The following RERE variants were observed in gnomAD, a reference collection of about 807,000 sequenced individuals.
The protein encoded by RERE is arginine-glutamic acid dipeptide repeats protein.
Under a neutral mutation model 146.1 loss-of-function variants are expected in RERE, and 40 were observed. The observed-to-expected ratio is 0.27, with a 90% CI of 0.21 to 0.36. RERE has a LOEUF of 0.36. RERE is among the 10% of genes least tolerant of loss of function. The probability of loss-of-function intolerance (pLI) is 1.00; values close to 1 mark genes in which losing one functional copy is unlikely to be tolerated. For missense variants in RERE, 1,933 were observed against 2,138.7 expected, an observed-to-expected ratio of 0.90 and a Z score of 1.90; for synonymous variants, 1,003 against 866.0, an observed-to-expected ratio of 1.16 and a Z score of -2.78.
At chr1:8,764,750 AAGAC>A (rs1640817053) in intron 1 of RERE, among the ~76,000 whole-genome samples, 1 of 152,236 alleles carries the variant, frequency 6.6e-6, no homozygotes, top group African/African-American at 2.4e-5. Flanking sequence ...CAGTAAGCAC[AAGAC>A]AGAGGCTCAA....
chr1:8,361,231 G>A lies in RERE; in HGVS notation c.2276C>T (p.Pro759Leu), dbSNP rs765180603. ...CGTGGGCCCTGGCGTGGGCAGCTGA[G>A]GGGTCCCTGGAGGAGCTGAGGAGGG... ...PAPSSAPPGTPQLPTPGPTPS... is the reference protein window; with the variant it reads ...PAPSSAPPGTLQLPTPGPTPS... Residue 759 changes from proline (P) to leucine (L), a missense_variant, in exon 18 of 23, where the codon CCT (proline) becomes CTT (leucine). By Grantham distance (98) the Pro-to-Leu change is moderately conservative. Around this residue, in one of 11 missense-constraint regions of RERE, gnomAD observed 1,255 missense variants for 1,153.8 expected, o/e 1.09. Transcript: ENST00000400908. 38 of 1,543,774 alleles carry A rather than the reference G, an allele frequency of 2.5e-5. No homozygotes were observed. The African/African-American group carries it at 4.2e-4, about 17-fold the overall frequency.
intron 12 of RERE, among the ~76,000 whole-genome samples, chr1:8,396,650 TA>T (rs1643066569): frequency 2.0e-5 from 3 of 152,312 alleles, no homozygotes; most frequent in South Asian, 2.1e-4. Context: ...CGAATTAACT[TA>T]AAAAAATTGT....
intron 21 of RERE, 103 bp from the exon 22 acceptor site, chr1:8,355,702 C>T (rs1641263638): frequency 9.8e-7 from 1 of 1,015,416 alleles, no homozygotes; most frequent in Non-Finnish European, 1.4e-6. Flanking sequence ...GGAGAGGTGC[C>T]AGTTCGGACA....
At chr1:8,716,119 T>C (rs1183747566) in intron 1 of RERE, among the ~76,000 whole-genome samples, 1 of 150,634 alleles carries the variant, frequency 6.6e-6, no homozygotes, top group African/African-American at 2.4e-5. Context: ...CACTCCTTCC[T>C]GGGCAACAAA....
At chr1:8,607,531 T>TATATA (rs1215150807) in intron 4 of RERE, among the ~76,000 whole-genome samples, 2 of 119,674 alleles carry the variant, frequency 1.7e-5, no homozygotes, top group East Asian at 2.4e-4. Flanking sequence ...TTTATATATA[T>TATATA]TTCTTTTTTT....
intron 4 of RERE, among the ~76,000 whole-genome samples, chr1:8,588,408 C>A (rs1218600471): frequency 2.6e-5 from 4 of 152,166 alleles, no homozygotes; most frequent in Non-Finnish European, 5.9e-5. Context: ...CCAAGGCCTA[C>A]CCTTCCCAAA....
intron 1 of RERE, among the ~76,000 whole-genome samples, chr1:8,789,403 C>G (rs1641323718): frequency 6.7e-6 from 1 of 149,240 alleles, no homozygotes; most frequent in Non-Finnish European, 1.5e-5. Context: ...TGGCTACTAC[C>G]TCTCTTTCCT....
intron 4 of RERE, among the ~76,000 whole-genome samples, chr1:8,561,657 A>G (rs1302585974): frequency 6.6e-6 from 1 of 152,228 alleles, no homozygotes; most frequent in Non-Finnish European, 1.5e-5. Flanking sequence ...GTATCTGTGC[A>G]ATGGCACTGG....
chr1:8,411,738 A>G (rs1643621059), intron 12 of RERE, among the ~76,000 whole-genome samples: 1 of 152,202 alleles, frequency 6.6e-6, no homozygotes, highest in Non-Finnish European at 1.5e-5. Flanking sequence ...ACATATACTA[A>G]AAGGTTTTGG....
intron 12 of RERE, among the ~76,000 whole-genome samples, chr1:8,372,873 G>A (rs1218815930): frequency 2.0e-5 from 3 of 152,152 alleles, no homozygotes; most frequent in South Asian, 2.1e-4. Context: ...TTTCACAAAC[G>A]AAGTTTCCAA....
intron 6 of RERE, among the ~76,000 whole-genome samples, chr1:8,555,025 T>C (rs543773668): frequency 6.6e-6 from 1 of 152,322 alleles, no homozygotes; most frequent in South Asian, 2.1e-4. Context: ...CTTGTGGAAG[T>C]TCACAAGAAG....
intron 3 of RERE, among the ~76,000 whole-genome samples, chr1:8,623,308 G>A (rs772919047): frequency 1.8e-4 from 27 of 152,126 alleles, no homozygotes; most frequent in Non-Finnish European, 2.2e-4. Context: ...AAAATCAGCC[G>A]GTTGTACTGG....
chr1:8,454,004 A>G lies in RERE; in HGVS notation c.1203+11921T>C, dbSNP rs76734567. ...TGACACCTCCACAGATTTTAATATT[A>G]AACAGTGGCTCCCAGAGAAGACTCC... On this transcript the variant is annotated intron_variant, in intron 11 of 22. Coordinates refer to ENST00000400908, the MANE Select transcript of RERE (RefSeq NM_001042681.2). 5.3e-4 allele frequency among the ~76,000 whole-genome samples: 80 copies of G among 152,298 alleles called. No individual in the cohort carries two copies. In the East Asian group the frequency reaches 0.015, roughly 28 times the overall value.
intron 1 of RERE, chr1:8,750,282 C>T (rs10492963): frequency 0.22 from 116,690 of 524,422 alleles, 14,175 homozygotes; most frequent in Middle Eastern, 0.3. Context: ...TAAATGAATG[C>T]TTCAATATCA....
chr1:8,395,248 G>C (rs1273357840), intron 12 of RERE, among the ~76,000 whole-genome samples: 1 of 152,124 alleles, frequency 6.6e-6, no homozygotes, highest in Non-Finnish European at 1.5e-5. Context: ...AGCCGAGGCG[G>C]GTGGATCACA....
At chr1:8,450,894 C>T (rs1411663494) in intron 11 of RERE, among the ~76,000 whole-genome samples, 1 of 152,156 alleles carries the variant, frequency 6.6e-6, no homozygotes, top group African/African-American at 2.4e-5. Context: ...TGCCCACGGC[C>T]CTTCTAATAG....
intron 3 of RERE, among the ~76,000 whole-genome samples, chr1:8,621,452 C>A (rs1646914582): frequency 6.6e-6 from 1 of 152,160 alleles, no homozygotes; most frequent in South Asian, 2.1e-4. Context: ...CTTTTGTTAT[C>A]TTTAACATCG....
At chr1:8,466,145 T>G in intron 10 of RERE, 122 bp from the exon 11 acceptor site, 1 of 749,470 alleles carries the variant, frequency 1.3e-6, no homozygotes, top group East Asian at 2.8e-5. Context: ...GCACTGAGAC[T>G]CCATCATTTC....
intron 10 of RERE, among the ~76,000 whole-genome samples, chr1:8,474,366 G>C (rs1484662508): frequency 6.6e-6 from 1 of 152,152 alleles, no homozygotes; most frequent in Non-Finnish European, 1.5e-5. Flanking sequence ...TGGTTATAAA[G>C]CATGTTATTT....
Sources: gnomAD v4.1 joint callset for allele counts (sites outside exome capture counted in the v4.1 genomes callset) on GRCh38, gnomAD v4.1.1 for gene constraint, gnomAD v4.1.1 regional missense constraint, MANE v1.5 for transcripts, NCBI Gene and HGNC (gene_info 2026-07-23, HGNC 2026-07-21) for gene names.